TMEM132B: variants seen among roughly 807,000 people sequenced by gnomAD.
TMEM132B encodes transmembrane protein 132B.
A neutral mutation model predicts 90.8 loss-of-function variants in TMEM132B; 18 were observed. The observed-to-expected ratio is 0.20, with a 90% CI of 0.14 to 0.29. TMEM132B has a LOEUF of 0.29. TMEM132B is among the 10% of genes least tolerant of loss of function. TMEM132B has a pLI of 1.00. For missense variants in TMEM132B, 1,096 were observed against 1,326.8 expected, an observed-to-expected ratio of 0.83 and a Z score of 2.70; for synonymous variants, 504 against 523.3, an observed-to-expected ratio of 0.96 and a Z score of 0.50.
intron 4 of TMEM132B, among the ~76,000 whole-genome samples, chr12:125,532,890 A>G (rs1013151710): frequency 3.3e-5 from 5 of 152,166 alleles, no homozygotes; most frequent in Non-Finnish European, 7.3e-5. Flanking sequence ...TAGATTATGT[A>G]TCACAGTTTG....
intron 5 of TMEM132B, among the ~76,000 whole-genome samples, chr12:125,621,795 C>T (rs905025982): frequency 6.6e-6 from 1 of 152,022 alleles, no homozygotes; most frequent in Non-Finnish European, 1.5e-5. Context: ...ATATGGACCT[C>T]GAAGGGTGAC....
At chr12:125,208,969 G>T (rs764486679) in intron 1 of TMEM132B, among the ~76,000 whole-genome samples, 1 of 152,118 alleles carries the variant, frequency 6.6e-6, no homozygotes, top group Non-Finnish European at 1.5e-5. Flanking sequence ...CTGTAGCTGT[G>T]TCCCCTCTGA....
At position 125,432,528 on chromosome 12, in the gene TMEM132B, T is replaced by TATATATATATATATAGAGAG. The variant is rs1458075923; in HGVS notation, c.1106+16852_1106+16853insTATATATATATATAGAGAGA. Among the ~76,000 whole-genome samples the TATATATATATATATAGAGAG allele has an allele frequency of 5.1e-5, 2 of 39,128 alleles. 1 individual carries two copies. Among genetic ancestry groups the TATATATATATATATAGAGAG allele is most frequent in the African/African-American group, 2.5e-4 (2 of 8,056 alleles). The allele number at this position is 39,128 out of a possible 152,430, so 25.7% of individuals were successfully genotyped here. ...GTGTGTGTGTATATATATATATATA[T>TATATATATATATATAGAGAG]AGAGAGAGAGAGAGAGAGAGAGAGA... On this transcript the variant is annotated intron_variant, in intron 3 of 8. Transcript: ENST00000682704.
At chr12:125,215,827 C>G (rs553721070) in intron 1 of TMEM132B, among the ~76,000 whole-genome samples, 43 of 152,374 alleles carry the variant, frequency 2.8e-4, no homozygotes, top group Non-Finnish European at 5.6e-4. Context: ...CAGGCGTGAG[C>G]CACTGCACTG....
chr12:125,440,417 A>G (rs945975286), intron 3 of TMEM132B, among the ~76,000 whole-genome samples: 8 of 152,246 alleles, frequency 5.3e-5, no homozygotes, highest in African/African-American at 1.7e-4. Context: ...TGGATTGGTT[A>G]TCACTTGGAT....
At chr12:125,581,677 A>C (rs946821782) in intron 4 of TMEM132B, among the ~76,000 whole-genome samples, 1 of 152,040 alleles carries the variant, frequency 6.6e-6, no homozygotes, top group Non-Finnish European at 1.5e-5. Context: ...AGACAAAATC[A>C]ATGCCTGCCC....
chr12:125,474,287 C>T (rs1329484821), intron 3 of TMEM132B, among the ~76,000 whole-genome samples: 1 of 146,236 alleles, frequency 6.8e-6, no homozygotes, highest in African/African-American at 2.6e-5. Flanking sequence ...CTCCCCTCCC[C>T]TTCCCTTCCC....
intron 3 of TMEM132B, among the ~76,000 whole-genome samples, chr12:125,434,706 G>A (rs768879593): frequency 6.6e-6 from 1 of 152,228 alleles, no homozygotes; most frequent in Non-Finnish European, 1.5e-5. Flanking sequence ...CAGCCTAGAG[G>A]TGGTCGCGAC....
At chr12:125,527,598 A>G (rs1366261853) in intron 4 of TMEM132B, among the ~76,000 whole-genome samples, 10 of 131,242 alleles carry the variant, frequency 7.6e-5, no homozygotes, top group Admixed American at 6.5e-4. Context: ...TTACCCTTCT[A>G]TCCACCCATC....
chr12:125,214,773 C>T (rs532865416), intron 1 of TMEM132B, among the ~76,000 whole-genome samples: 12 of 152,332 alleles, frequency 7.9e-5, no homozygotes, highest in Admixed American at 2.0e-4. Flanking sequence ...TTCTGTTCCC[C>T]GGAAGCTGAC....
chr12:125,512,916 A>C (rs1007825869), intron 3 of TMEM132B, among the ~76,000 whole-genome samples: 1 of 152,254 alleles, frequency 6.6e-6, no homozygotes. Context: ...GGGATCCGTG[A>C]GCAGGAATGT....
rs12814503 is a variant in TMEM132B at position 125,490,955 on chromosome 12, T to A, written c.1107-28484T>A. On this transcript the variant is annotated intron_variant, in intron 3 of 8. Transcript: ENST00000682704. The surrounding 1 kb of genome is among the most constrained non-coding windows in gnomAD (Gnocchi z 4.2). ...GTGTAAGGACACTCAAGCAGCTTTA[T>A]GGAGAGGCCCATGTGGTGAAAGACT... is the stretch of plus-strand genomic sequence containing the variant. 0.1 allele frequency among the ~76,000 whole-genome samples: 15,813 copies of A among 152,228 alleles called. 1,312 individuals carry two copies. Among genetic ancestry groups the A allele is most frequent in the Admixed American group, 0.27 (4,197 of 15,264 alleles).
chr12:125,417,377 T>G (rs960330358), intron 3 of TMEM132B, among the ~76,000 whole-genome samples: 2 of 152,204 alleles, frequency 1.3e-5, no homozygotes, highest in African/African-American at 4.8e-5. Flanking sequence ...TCTCTGGTAT[T>G]ATTTCCGGGC....
At chr12:125,243,921 C>G (rs977426120) in intron 1 of TMEM132B, among the ~76,000 whole-genome samples, 3 of 152,188 alleles carry the variant, frequency 2.0e-5, no homozygotes, top group Non-Finnish European at 2.9e-5. Context: ...CGCCAACGCC[C>G]CCTCTCCCCC....
intron 2 of TMEM132B, among the ~76,000 whole-genome samples, chr12:125,366,581 G>A (rs1878139829): frequency 6.6e-6 from 1 of 152,134 alleles, no homozygotes. Context: ...TTCTTTTGCT[G>A]CTTTTAAGAT....
chr12:125,524,694 C>G (rs1883400029), intron 4 of TMEM132B, among the ~76,000 whole-genome samples: 1 of 152,190 alleles, frequency 6.6e-6, no homozygotes, highest in South Asian at 2.1e-4. Context: ...ATCTAGCCAT[C>G]TATAGGTGTA....
intron 3 of TMEM132B, among the ~76,000 whole-genome samples, chr12:125,437,031 G>A (rs1252260214): frequency 6.6e-6 from 1 of 152,140 alleles, no homozygotes; most frequent in Admixed American, 6.5e-5. Context: ...GTTTTCAAGG[G>A]CCATACCACA....
intron 5 of TMEM132B, among the ~76,000 whole-genome samples, chr12:125,609,674 G>C (rs564595839): frequency 1.3e-5 from 2 of 151,634 alleles, no homozygotes; most frequent in Non-Finnish European, 2.9e-5. Context: ...AAAATTAGCC[G>C]GGCGTGGTGG....
intron 1 of TMEM132B, among the ~76,000 whole-genome samples, chr12:125,235,802 C>CTTTTTT (rs61643412): frequency 2.8e-5 from 3 of 107,398 alleles, no homozygotes; most frequent in African/African-American, 3.7e-5. Context: ...CACTTCATTC[C>CTTTTTT]TTTTTTTTTT....
Sources: gnomAD v4.1 joint callset for allele counts (sites outside exome capture counted in the v4.1 genomes callset) on GRCh38, gnomAD v4.1.1 for gene constraint, Gnocchi (gnomAD v3.1) non-coding constraint, MANE v1.5 for transcripts, NCBI Gene and HGNC (gene_info 2026-07-23, HGNC 2026-07-21) for gene names.